Variants in LRRC3B observed in about 807,000 individuals in gnomAD.
The protein encoded by LRRC3B is leucine-rich repeat-containing protein 3B.
In LRRC3B, 2 loss-of-function variants were observed where a neutral mutation model predicts 12.8. The observed-to-expected ratio is 0.16, with a 90% CI of 0.06 to 0.49. LRRC3B has a LOEUF of 0.49. Among genes scored for constraint, LRRC3B ranks in the 20% least tolerant of loss-of-function variants. LRRC3B has a pLI of 0.96. For synonymous variants in LRRC3B, 132 were observed against 122.0 expected (o/e 1.08, Z -0.54); for missense variants, 189 against 319.4 (o/e 0.59, Z 3.11).
chr3:26,666,341 A>AT (rs1468002287), intron 1 of LRRC3B, among the ~76,000 whole-genome samples: 2 of 152,208 alleles, frequency 1.3e-5, no homozygotes, highest in South Asian at 2.1e-4. Flanking sequence ...TAAGACAATT[A>AT]TTTTTTTCAG....
chr3:26,664,202 G>T (rs926334636), intron 1 of LRRC3B, among the ~76,000 whole-genome samples: 2 of 152,058 alleles, frequency 1.3e-5, no homozygotes, highest in Non-Finnish European at 2.9e-5. Flanking sequence ...GAGTTTTGCT[G>T]GAATACTTCA....
rs767844309 is a variant in LRRC3B at position 26,667,719 on chromosome 3, G to A, written c.-160-41794G>A. 2.0e-5 allele frequency among the ~76,000 whole-genome samples: 3 copies of A among 152,162 alleles called. 1 individual carries two copies. The highest frequency in any genetic ancestry group is 4.4e-5 in the Non-Finnish European group (3 of 68,000). Reference sequence around the variant, plus strand: ...TTTATATCTCATTGGACAAAACATGGTCACATGGGAACTTACTAAAAGAAC... The same window carrying A: ...TTTATATCTCATTGGACAAAACATGATCACATGGGAACTTACTAAAAGAAC... On this transcript the variant is annotated intron_variant, in intron 1 of 1. Coordinates refer to ENST00000396641, the Ensembl canonical transcript of LRRC3B.
At chr3:26,696,599 A>G (rs912128154) in intron 1 of LRRC3B, among the ~76,000 whole-genome samples, 2 of 152,206 alleles carry the variant, frequency 1.3e-5, no homozygotes, top group Non-Finnish European at 2.9e-5. Context: ...CACAGTTGTC[A>G]CTAGCTTTGC....
At chr3:26,644,035 C>T (rs528369586) in intron 1 of LRRC3B, among the ~76,000 whole-genome samples, 2 of 152,182 alleles carry the variant, frequency 1.3e-5, no homozygotes, top group Non-Finnish European at 2.9e-5. Context: ...TAGATGTGTA[C>T]GAATTATTTT....
intron 1 of LRRC3B, among the ~76,000 whole-genome samples, chr3:26,648,848 A>T (rs1699208163): frequency 6.6e-6 from 1 of 152,246 alleles, no homozygotes; most frequent in African/African-American, 2.4e-5. Context: ...TAACATCAGC[A>T]AATGATCTGT....
At chr3:26,708,583 A>G (rs1559376146) in intron 1 of LRRC3B, among the ~76,000 whole-genome samples, 1 of 152,114 alleles carries the variant, frequency 6.6e-6, no homozygotes. Flanking sequence ...TTTCTTCTCT[A>G]TATTAAAGGG....
chr3:26,704,883 T>G (rs1309815751), intron 1 of LRRC3B, among the ~76,000 whole-genome samples: 1 of 152,202 alleles, frequency 6.6e-6, no homozygotes, highest in Non-Finnish European at 1.5e-5. Flanking sequence ...TGATTTGAAT[T>G]TTATCTTTTA....
At chr3:26,675,801 G>A (rs367712967) in intron 1 of LRRC3B, among the ~76,000 whole-genome samples, 7 of 151,980 alleles carry the variant, frequency 4.6e-5, no homozygotes, top group African/African-American at 1.7e-4. Flanking sequence ...CTTAATTGTT[G>A]TTTCTTGGGA....
At chr3:26,629,623 G>A (rs1698710104) in intron 1 of LRRC3B, among the ~76,000 whole-genome samples, 1 of 152,174 alleles carries the variant, frequency 6.6e-6, no homozygotes, top group African/African-American at 2.4e-5. Flanking sequence ...GGCCATCAGG[G>A]ATTATTAAGT....
chr3:26,635,545 G>A (rs1698850734), intron 1 of LRRC3B, among the ~76,000 whole-genome samples: 1 of 148,296 alleles, frequency 6.7e-6, no homozygotes, highest in Admixed American at 6.6e-5. Flanking sequence ...AGGACACAGT[G>A]AGAAGGCGGC....
intron 1 of LRRC3B, among the ~76,000 whole-genome samples, chr3:26,665,041 G>A (rs1380952204): frequency 6.6e-6 from 1 of 151,888 alleles, no homozygotes; most frequent in East Asian, 1.9e-4. Flanking sequence ...ATGGGCTGCA[G>A]CAGCCTAAGG....
intron 1 of LRRC3B, among the ~76,000 whole-genome samples, chr3:26,677,515 G>T (rs1699884800): frequency 6.6e-6 from 1 of 152,206 alleles, no homozygotes; most frequent in Non-Finnish European, 1.5e-5. Flanking sequence ...TTGTATGTGA[G>T]GAAGGGATGG....
At chr3:26,667,322 A>G (rs1439623286) in intron 1 of LRRC3B, among the ~76,000 whole-genome samples, 1 of 152,184 alleles carries the variant, frequency 6.6e-6, no homozygotes, top group Non-Finnish European at 1.5e-5. Context: ...CTGGGTTGTC[A>G]TGCAAAGCTC....
At chr3:26,668,946 A>C (rs1303861689) in intron 1 of LRRC3B, among the ~76,000 whole-genome samples, 1 of 152,188 alleles carries the variant, frequency 6.6e-6, no homozygotes, top group Admixed American at 6.5e-5. Context: ...AACTCTGGGG[A>C]GCTATGGATT....
intron 1 of LRRC3B, among the ~76,000 whole-genome samples, chr3:26,645,396 A>T (rs1699121658): frequency 6.6e-6 from 1 of 152,194 alleles, no homozygotes; most frequent in Non-Finnish European, 1.5e-5. Flanking sequence ...CATTTAAATA[A>T]GTAAATTGAC....
chr3:26,685,399 G>A (rs1364476195), intron 1 of LRRC3B, among the ~76,000 whole-genome samples: 1 of 149,666 alleles, frequency 6.7e-6, no homozygotes, highest in East Asian at 2.0e-4. Flanking sequence ...TATCTTACTA[G>A]TATGTGACCA....
intron 1 of LRRC3B, among the ~76,000 whole-genome samples, chr3:26,677,448 T>G (rs544482156): frequency 3.3e-5 from 5 of 152,304 alleles, no homozygotes; most frequent in African/African-American, 1.2e-4. Flanking sequence ...CTTGCACTGC[T>G]GCCAGGGGGC....
intron 1 of LRRC3B, among the ~76,000 whole-genome samples, chr3:26,681,457 T>C (rs1162231192): frequency 6.6e-5 from 10 of 152,190 alleles, no homozygotes; most frequent in Admixed American, 6.5e-4. Flanking sequence ...TATTCCATAA[T>C]GTCTATGAGC....
chr3:26,660,238 T>C (rs570855608), intron 1 of LRRC3B, among the ~76,000 whole-genome samples: 1 of 152,298 alleles, frequency 6.6e-6, no homozygotes, highest in Non-Finnish European at 1.5e-5. Flanking sequence ...GAGTTGCCCC[T>C]TAATTACAGA....
Sources: gnomAD v4.1 joint callset for allele counts (sites outside exome capture counted in the v4.1 genomes callset) on GRCh38, gnomAD v4.1.1 for gene constraint, MANE v1.5 for transcripts, NCBI Gene and HGNC (gene_info 2026-07-23, HGNC 2026-07-21) for gene names.